Variants in ROBO2 observed in about 807,000 individuals in gnomAD.
The protein encoded by ROBO2 is roundabout homolog 2.
Under a neutral mutation model 160.8 loss-of-function variants are expected in ROBO2, and 53 were observed. That is an observed-to-expected ratio of 0.33 (90% CI 0.26 to 0.41). The LOEUF is 0.41. Among genes scored for constraint, ROBO2 ranks in the 10% least tolerant of loss-of-function variants. The pLI, the probability that ROBO2 is intolerant of heterozygous loss-of-function variation, is 1.00. For missense variants in ROBO2, 1,577 were observed against 1,722.4 expected, an observed-to-expected ratio of 0.92 and a Z score of 1.49; for synonymous variants, 664 against 611.7, an observed-to-expected ratio of 1.09 and a Z score of -1.26.
At chr3:77,555,498 T>A (rs2093081147) in intron 8 of ROBO2, among the ~76,000 whole-genome samples, 1 of 152,032 alleles carries the variant, frequency 6.6e-6, no homozygotes. Context: ...GCTAATATGT[T>A]TCAATATACT....
At chr3:77,052,258 CTT>C (rs2149700796) in intron 1 of ROBO2, among the ~76,000 whole-genome samples, 1 of 152,248 alleles carries the variant, frequency 6.6e-6, no homozygotes, top group South Asian at 2.1e-4. Flanking sequence ...CCTTTAAAAA[CTT>C]TTGTTTTTAC....
At chr3:77,204,697 G>A (rs1184399896) in intron 2 of ROBO2, among the ~76,000 whole-genome samples, 2 of 152,160 alleles carry the variant, frequency 1.3e-5, no homozygotes, top group Non-Finnish European at 2.9e-5. Context: ...CCACCTGACA[G>A]CATGTTTTAT....
At chr3:77,051,915 G>A (rs898205476) in intron 1 of ROBO2, among the ~76,000 whole-genome samples, 4 of 152,210 alleles carry the variant, frequency 2.6e-5, no homozygotes, top group African/African-American at 9.6e-5. Flanking sequence ...AAGCGGACAC[G>A]CTGATATTTA....
intron 2 of ROBO2, among the ~76,000 whole-genome samples, chr3:77,125,479 T>A (rs2077425206): frequency 6.6e-6 from 1 of 152,102 alleles, no homozygotes; most frequent in South Asian, 2.1e-4. Flanking sequence ...AATTTGGGGG[T>A]CAAGGTCTCT....
intron 2 of ROBO2, among the ~76,000 whole-genome samples, chr3:77,355,561 T>A (rs978090669): frequency 6.6e-6 from 1 of 152,122 alleles, no homozygotes; most frequent in African/African-American, 2.4e-5. Flanking sequence ...TCAGGAAATA[T>A]GGTGAAGGCT....
At chr3:76,804,775 T>C (rs926861287) in intron 2 of ROBO2, among the ~76,000 whole-genome samples, 6 of 152,190 alleles carry the variant, frequency 3.9e-5, no homozygotes, top group Non-Finnish European at 8.8e-5. Flanking sequence ...GTACTAACTA[T>C]GAGCCAGTTC....
intron 2 of ROBO2, among the ~76,000 whole-genome samples, chr3:76,803,299 C>A (rs2064370615): frequency 6.6e-6 from 1 of 151,868 alleles, no homozygotes; most frequent in African/African-American, 2.4e-5. Flanking sequence ...CTCTGGATAG[C>A]AAATGTTCCT....
intron 2 of ROBO2, among the ~76,000 whole-genome samples, chr3:76,294,709 G>A (rs986174150): frequency 6.6e-6 from 1 of 152,132 alleles, no homozygotes; most frequent in Non-Finnish European, 1.5e-5. Flanking sequence ...TGGAATATTT[G>A]TCTATAAAAT....
intron 2 of ROBO2, among the ~76,000 whole-genome samples, chr3:76,798,149 A>C (rs908909810): frequency 6.9e-6 from 1 of 145,060 alleles, no homozygotes; most frequent in South Asian, 2.1e-4. Context: ...AGAGAAAGAA[A>C]GAAAGAAAGA....
At chr3:76,158,493 C>T (rs562969899) in intron 2 of ROBO2, among the ~76,000 whole-genome samples, 1 of 151,816 alleles carries the variant, frequency 6.6e-6, no homozygotes, top group South Asian at 2.1e-4. Context: ...TGCACAGGTA[C>T]TATCTCCACT....
At chr3:76,734,427 G>A (rs953903584) in intron 2 of ROBO2, among the ~76,000 whole-genome samples, 3 of 152,100 alleles carry the variant, frequency 2.0e-5, no homozygotes, top group African/African-American at 4.8e-5. Flanking sequence ...ACTGTTTAAC[G>A]TTTTTGGTTA....
intron 2 of ROBO2, among the ~76,000 whole-genome samples, chr3:77,284,055 G>C (rs370817434): frequency 1.2e-4 from 18 of 152,238 alleles, no homozygotes; most frequent in African/African-American, 4.3e-4. Context: ...TGTATCAGGG[G>C]TCAGAAAACA....
chr3:76,953,942 A>C (rs924615678), intron 2 of ROBO2, among the ~76,000 whole-genome samples: 1 of 152,128 alleles, frequency 6.6e-6, no homozygotes, highest in African/African-American at 2.4e-5. Flanking sequence ...GGCTAGAGGG[A>C]ATTTTAAAAT....
chr3:77,426,042 T>A (rs1416431695), intron 2 of ROBO2, among the ~76,000 whole-genome samples: 1 of 152,052 alleles, frequency 6.6e-6, no homozygotes, highest in Non-Finnish European at 1.5e-5. Flanking sequence ...TCATATTTTC[T>A]AAAGATTCCT....
intron 2 of ROBO2, among the ~76,000 whole-genome samples, chr3:76,302,573 G>A (rs1366315775): frequency 6.6e-6 from 1 of 151,954 alleles, no homozygotes; most frequent in East Asian, 1.9e-4. Flanking sequence ...ATATGACAGT[G>A]GTCCCATAAA....
At chr3:77,444,014 T>A (rs1411005823) in intron 2 of ROBO2, among the ~76,000 whole-genome samples, 1 of 152,226 alleles carries the variant, frequency 6.6e-6, no homozygotes, top group Non-Finnish European at 1.5e-5. Context: ...CTAATTAGCC[T>A]TACTTCTTCT....
chr3:76,722,509 T>C (rs530902372), intron 2 of ROBO2, among the ~76,000 whole-genome samples: 1 of 152,300 alleles, frequency 6.6e-6, no homozygotes, highest in African/African-American at 2.4e-5. Context: ...TAGTGGGTTT[T>C]AGCACATTTA....
intron 2 of ROBO2, among the ~76,000 whole-genome samples, chr3:77,263,170 C>T (rs1470632533): frequency 6.6e-6 from 1 of 152,034 alleles, no homozygotes; most frequent in Non-Finnish European, 1.5e-5. Flanking sequence ...AGAAAAAAAG[C>T]CACATTTCAA....
chr3:76,208,037 T>C (rs993564005), intron 2 of ROBO2, among the ~76,000 whole-genome samples: 1 of 152,210 alleles, frequency 6.6e-6, no homozygotes, highest in African/African-American at 2.4e-5. Context: ...TTACTCTTCC[T>C]CCTGTTCCAG....
Sources: allele counts gnomAD v4.1 joint callset (sites outside exome capture counted in the v4.1 genomes callset), GRCh38; gene constraint gnomAD v4.1.1; transcripts MANE v1.5; gene names NCBI Gene and HGNC (gene_info 2026-07-23, HGNC 2026-07-21).